CAMKMT: variants seen among roughly 807,000 people sequenced by gnomAD.
The protein encoded by CAMKMT is calmodulin-lysine N-methyltransferase, also known as CaM KMT.
Under a neutral mutation model 48.0 loss-of-function variants are expected in CAMKMT, and 53 were observed. That is an observed-to-expected ratio of 1.10 (90% CI 0.89 to 1.39). The LOEUF (loss-of-function observed/expected upper bound fraction) is 1.39, where lower values mean the gene tolerates loss of function less well. Among genes scored for constraint, CAMKMT ranks in the 40% most tolerant of loss-of-function variants. The pLI is 0.00. For missense variants in CAMKMT, 428 were observed against 402.7 expected (o/e 1.06, Z -0.54); for synonymous variants, 165 against 152.3 (o/e 1.08, Z -0.61).
chr2:44,758,938 G>A (rs750947917), intron 9 of CAMKMT, among the ~76,000 whole-genome samples: 1 of 152,154 alleles, frequency 6.6e-6, no homozygotes, highest in Non-Finnish European at 1.5e-5. Flanking sequence ...CAGGACCAGA[G>A]GATAGAATAT....
intron 3 of CAMKMT, among the ~76,000 whole-genome samples, chr2:44,626,576 GGT>G (rs1672494657): frequency 6.6e-6 from 1 of 152,172 alleles, no homozygotes; most frequent in South Asian, 2.1e-4. Context: ...CAGCAGATTA[GGT>G]GTCTGATGAG....
At chr2:44,443,758 T>G (rs1193735074) in intron 3 of CAMKMT, among the ~76,000 whole-genome samples, 1 of 152,208 alleles carries the variant, frequency 6.6e-6, no homozygotes, top group East Asian at 1.9e-4. Context: ...CTTGCTGCAA[T>G]GATACTGAAT....
chr2:44,574,027 G>A (rs1669067885), intron 3 of CAMKMT, among the ~76,000 whole-genome samples: 2 of 152,120 alleles, frequency 1.3e-5, no homozygotes, highest in African/African-American at 4.8e-5. Context: ...TATTCTTCCA[G>A]ATGAACGTTT....
chr2:44,578,900 GC>G (rs1216483417), intron 3 of CAMKMT, among the ~76,000 whole-genome samples: 3 of 152,194 alleles, frequency 2.0e-5, no homozygotes, highest in Non-Finnish European at 4.4e-5. Flanking sequence ...TAACTCCTCA[GC>G]TCTGTTAGCA....
intron 3 of CAMKMT, among the ~76,000 whole-genome samples, chr2:44,672,013 C>G (rs953538934): frequency 6.6e-6 from 1 of 152,060 alleles, no homozygotes; most frequent in Non-Finnish European, 1.5e-5. Flanking sequence ...GAAAATCATG[C>G]CAAAATTGCT....
chr2:44,389,604 A>G lies in CAMKMT; in HGVS notation c.312-637A>G, dbSNP rs539602683. Among the ~76,000 whole-genome samples, 5 of 152,254 alleles carry G rather than the reference A, an allele frequency of 3.3e-5. No individual in the cohort carries two copies. In the South Asian group the frequency reaches 1.0e-3, roughly 32 times the overall value. Reference sequence around the variant, plus strand: ...CTCAAACTCTATGACCTATTGCACAATTGAGTCTATTTGTATATAACAAAT... The same window carrying G: ...CTCAAACTCTATGACCTATTGCACAGTTGAGTCTATTTGTATATAACAAAT... On this transcript the variant is annotated intron_variant, in intron 2 of 10. Transcript: ENST00000378494.
At position 44,363,070 on chromosome 2, in the gene CAMKMT, C is replaced by T. The variant is rs111514201; in HGVS notation, c.138+925C>T. Reference sequence around the variant, plus strand: ...ATTGTGCTTTTAGTATTTTGGGGATCACTTTGTTTGCAGTTGCCTTGAGTC... The same window carrying T: ...ATTGTGCTTTTAGTATTTTGGGGATTACTTTGTTTGCAGTTGCCTTGAGTC... On this transcript the variant is annotated intron_variant, in intron 1 of 10. Coordinates refer to ENST00000378494, the MANE Select transcript of CAMKMT (RefSeq NM_024766.5). Among the ~76,000 whole-genome samples, 579 of 152,240 alleles carry T rather than the reference C, an allele frequency of 3.8e-3. 4 individuals are homozygous for T. The highest frequency in any genetic ancestry group is 0.013 in the African/African-American group (557 of 41,544).
intron 3 of CAMKMT, among the ~76,000 whole-genome samples, chr2:44,628,706 T>G (rs1395570263): frequency 1.3e-5 from 2 of 152,156 alleles, no homozygotes; most frequent in Admixed American, 6.6e-5. Flanking sequence ...TCCAACAAAT[T>G]TTGATATGCT....
At chr2:44,417,130 G>A (rs181601925) in intron 3 of CAMKMT, among the ~76,000 whole-genome samples, 5 of 151,892 alleles carry the variant, frequency 3.3e-5, no homozygotes, top group East Asian at 1.9e-4. Flanking sequence ...GTAGTATTGC[G>A]TTGTATAAAT....
intron 3 of CAMKMT, among the ~76,000 whole-genome samples, chr2:44,512,282 T>C (rs942031953): frequency 6.6e-6 from 1 of 152,238 alleles, no homozygotes; most frequent in African/African-American, 2.4e-5. Context: ...AAGTTCACCT[T>C]TCTGTTTCTC....
Position 44,772,217 on chromosome 2 carries a change from G to A in CAMKMT, c.*104G>A. On this transcript the variant is annotated 3_prime_UTR_variant, in exon 11 of 11. Transcript: ENST00000378494. Reference sequence around the variant, plus strand: ...GTATAATCGCCTGCCTGCGCCCTTTGCAGCATTTCACGTGTGGGCTATGGA... The same window carrying A: ...GTATAATCGCCTGCCTGCGCCCTTTACAGCATTTCACGTGTGGGCTATGGA... 5 of 922,968 alleles carry A rather than the reference G, an allele frequency of 5.4e-6. No homozygotes were observed. In the South Asian group the frequency reaches 7.5e-5, roughly 14 times the overall value. The allele number at this position is 922,968 out of a possible 1,614,324, so 57.2% of individuals were successfully genotyped here.
chr2:44,381,905 T>C (rs1680277953), intron 2 of CAMKMT, among the ~76,000 whole-genome samples: 1 of 152,020 alleles, frequency 6.6e-6, no homozygotes, highest in Admixed American at 6.6e-5. Context: ...ATTTCAATAC[T>C]GTATTGTTGA....
At chr2:44,762,267 C>T (rs931961590) in intron 9 of CAMKMT, among the ~76,000 whole-genome samples, 5 of 152,184 alleles carry the variant, frequency 3.3e-5, no homozygotes, top group African/African-American at 9.6e-5. Flanking sequence ...GTGGGAGAAT[C>T]GCTTGAGGCC....
chr2:44,521,688 C>G (rs532441312), intron 3 of CAMKMT, among the ~76,000 whole-genome samples: 33 of 152,140 alleles, frequency 2.2e-4, no homozygotes, highest in Non-Finnish European at 4.0e-4. Context: ...ATGTAGTAAT[C>G]TCCCTGCAGA....
intron 3 of CAMKMT, among the ~76,000 whole-genome samples, chr2:44,527,093 T>TC (rs1666159590): frequency 6.8e-6 from 1 of 148,118 alleles, no homozygotes; most frequent in African/African-American, 2.5e-5. Flanking sequence ...CCCCAGTTTT[T>TC]TTTTTTTTTT....
chr2:44,432,403 A>T (rs1028369838), intron 3 of CAMKMT, among the ~76,000 whole-genome samples: 5 of 152,296 alleles, frequency 3.3e-5, no homozygotes, highest in African/African-American at 1.2e-4. Context: ...GGCACCCCAC[A>T]TACTTCCTTC....
intron 3 of CAMKMT, among the ~76,000 whole-genome samples, chr2:44,658,052 T>C (rs1310520843): frequency 1.3e-5 from 2 of 152,210 alleles, no homozygotes; most frequent in African/African-American, 4.8e-5. Context: ...TTTTGTTTTG[T>C]TCAGAACTTT....
chr2:44,497,706 GC>G (rs1400766489), intron 3 of CAMKMT, among the ~76,000 whole-genome samples: 5 of 93,394 alleles, frequency 5.4e-5, no homozygotes, highest in African/African-American at 2.6e-4. Context: ...AATTAAGCAG[GC>G]AAAGAGAGAG....
chr2:44,567,495 C>T (rs1428628958), intron 3 of CAMKMT, among the ~76,000 whole-genome samples: 1 of 152,136 alleles, frequency 6.6e-6, no homozygotes, highest in Admixed American at 6.5e-5. Context: ...CCATGTCAAT[C>T]CTTTGTAATA....
Sources: allele counts gnomAD v4.1 joint callset (sites outside exome capture counted in the v4.1 genomes callset), GRCh38; gene constraint gnomAD v4.1.1; transcripts MANE v1.5; gene names NCBI Gene and HGNC (gene_info 2026-07-23, HGNC 2026-07-21).